ATRX: variants seen among roughly 807,000 people sequenced by gnomAD.
ATRX encodes chromatin remodeler ATRX.
Under a neutral mutation model 172.6 loss-of-function variants are expected in ATRX, and 12 were observed. The ratio of observed to expected loss-of-function variants is 0.07; its 90% confidence interval spans 0.04 to 0.11. The LOEUF is 0.11. Ranked by LOEUF, ATRX falls within the 10% of genes least tolerant of loss-of-function variation. ATRX has a pLI of 1.00. For missense variants in ATRX, 1,368 were observed against 1,767.4 expected (o/e 0.77, Z 4.05); for synonymous variants, 674 against 594.7 (o/e 1.13, Z -1.94).
chrX:77,599,361 C>T (rs2148139402), intron 25 of ATRX, 50 bp downstream of exon 25: 7 of 1,188,246 alleles, frequency 5.9e-6, no homozygotes, highest in Non-Finnish European at 8.0e-6. Flanking sequence ...AACGACATGA[C>T]ATTTTCCAAA....
rs915757829 is a variant in ATRX, at chrX:77,620,548, G to T, written c.5135-16C>A. ...AAATCAGGGCCTACAAAAATAAACA[G>T]AAAAATAACACAATTAATATATAAT... On this transcript the variant is annotated splice_polypyrimidine_tract_variant and intron_variant, in intron 19 of 34. Transcript: ENST00000373344. 1 of 1,169,663 alleles carries T rather than the reference G, an allele frequency of 8.5e-7. No individual in the cohort carries two copies. Among genetic ancestry groups the T allele is most frequent in the Middle Eastern group, 2.6e-4 (1 of 3,859 alleles).
intron 27 of ATRX, among the ~76,000 whole-genome samples, chrX:77,587,297 G>C (rs2066062345): frequency 9.0e-6 from 1 of 110,679 alleles, no homozygotes; most frequent in Non-Finnish European, 1.9e-5. Context: ...TTTATCCCAG[G>C]TATGCAAGGT....
chrX:77,615,337 T>C (rs1363194063), intron 22 of ATRX, among the ~76,000 whole-genome samples: 4 of 111,120 alleles, frequency 3.6e-5, no homozygotes, highest in African/African-American at 1.3e-4. Context: ...CTATAAAACC[T>C]GAAAACACTA....
chrX:77,533,630 G>C (rs782197115), intron 30 of ATRX, among the ~76,000 whole-genome samples: 13 of 110,995 alleles, frequency 1.2e-4, no homozygotes, highest in African/African-American at 4.3e-4. Context: ...TGGCACCTGT[G>C]GGGGGTTGGG....
At chrX:77,576,645 T>C (rs1557070536) in intron 27 of ATRX, among the ~76,000 whole-genome samples, 1 of 110,460 alleles carries the variant, frequency 9.1e-6, no homozygotes, top group Non-Finnish European at 1.9e-5. Context: ...AGACAAAGAG[T>C]ATACAAAAAT....
intron 27 of ATRX, among the ~76,000 whole-genome samples, chrX:77,579,665 T>A (rs1442195686): frequency 9.0e-6 from 1 of 111,655 alleles, no homozygotes; most frequent in Non-Finnish European, 1.9e-5. Flanking sequence ...TCCCTTCAAA[T>A]ACCTGGAAAG....
intron 22 of ATRX, among the ~76,000 whole-genome samples, chrX:77,609,237 A>T (rs1286216147): frequency 8.9e-6 from 1 of 111,903 alleles, no homozygotes; most frequent in Non-Finnish European, 1.9e-5. Context: ...AGCTGGATAT[A>T]TACTCAGAAG....
At chrX:77,692,399 C>G (rs2071942713) in intron 6 of ATRX, among the ~76,000 whole-genome samples, 1 of 111,906 alleles carries the variant, frequency 8.9e-6, no homozygotes, top group South Asian at 3.7e-4. Flanking sequence ...TTGACTACCC[C>G]TTTGTGGACA....
chrX:77,568,912 T>C (rs1254201018), intron 28 of ATRX, among the ~76,000 whole-genome samples: 1 of 111,327 alleles, frequency 9.0e-6, no homozygotes, highest in Non-Finnish European at 1.9e-5. Context: ...CTATTCGTCA[T>C]AAAAACTCAG....
intron 10 of ATRX, among the ~76,000 whole-genome samples, chrX:77,668,900 A>G (rs782624592): frequency 9.0e-6 from 1 of 111,233 alleles, no homozygotes; most frequent in Non-Finnish European, 1.9e-5. Context: ...TCCTATCTAG[A>G]AAGGAAATGA....
intron 1 of ATRX, among the ~76,000 whole-genome samples, chrX:77,739,693 G>A (rs1448214086): frequency 9.1e-6 from 1 of 110,367 alleles, no homozygotes; most frequent in Non-Finnish European, 1.9e-5. Context: ...CAACAAAGGA[G>A]AACATCAAAA....
At chrX:77,785,652 C>T (rs1249260110) in intron 1 of ATRX, among the ~76,000 whole-genome samples, 1 of 100,347 alleles carries the variant, frequency 1.0e-5, no homozygotes, top group African/African-American at 3.7e-5. Flanking sequence ...TACCAAAGAC[C>T]GCCTCCGACT....
chrX:77,737,874 T>A (rs1439382586), intron 1 of ATRX, among the ~76,000 whole-genome samples: 1 of 111,669 alleles, frequency 9.0e-6, no homozygotes, highest in Non-Finnish European at 1.9e-5. Context: ...ATGCTGGAAT[T>A]TTTTGTAAAG....
At chrX:77,576,043 T>C (rs1037147513) in intron 27 of ATRX, among the ~76,000 whole-genome samples, 46 of 111,400 alleles carry the variant, frequency 4.1e-4, no homozygotes, top group African/African-American at 1.4e-3. Context: ...GTAGTGGTAA[T>C]AGCAGTAACT....
rs781888823 is a variant in ATRX at position 77,702,217 on chromosome X, C to T, written c.134-3588G>A. Among the ~76,000 whole-genome samples, 6 of 111,321 alleles carry T rather than the reference C, an allele frequency of 5.4e-5. No individual in the cohort carries two copies. The South Asian group carries it at 1.9e-3, about 35-fold the overall frequency. ...CAAAACTTTGGGAGGCCGAGGCAGGCGGATCACCAGAGGTCAGGAGTTCAA... is the reference window on the plus strand; with the variant it reads ...CAAAACTTTGGGAGGCCGAGGCAGGTGGATCACCAGAGGTCAGGAGTTCAA... On this transcript the variant is annotated intron_variant, in intron 2 of 34. Transcript: ENST00000373344.
At chrX:77,699,302 T>G (rs2148688844) in intron 2 of ATRX, among the ~76,000 whole-genome samples, 1 of 111,166 alleles carries the variant, frequency 9.0e-6, no homozygotes, top group East Asian at 2.8e-4. Flanking sequence ...CCTGGCTAAT[T>G]TTTTGTGGAG....
Position 77,786,022 on chromosome X carries a change from T to C in ATRX, c.-21A>G, listed in dbSNP as rs953890632. ...GTCATGTTTTCGCTTGAACGCCTTG[T>C]CGGCTTCTGTGATTGCTGGGCGCCG... On this transcript the variant is annotated 5_prime_UTR_variant, in exon 1 of 35. Transcript: ENST00000373344. 8.4e-7 allele frequency: 1 copy of C among 1,189,640 alleles called. No individual in the cohort carries two copies. The highest frequency in any genetic ancestry group is 2.3e-4 in the Middle Eastern group (1 of 4,306).
intron 30 of ATRX, among the ~76,000 whole-genome samples, chrX:77,545,720 C>T (rs1557053076): frequency 9.0e-6 from 1 of 111,342 alleles, no homozygotes; most frequent in African/African-American, 3.3e-5. Flanking sequence ...CAGAAAGAGA[C>T]AAAAATAAAA....
chrX:77,629,971 C>T (rs781801391), intron 19 of ATRX, among the ~76,000 whole-genome samples: 11 of 112,254 alleles, frequency 9.8e-5, no homozygotes, highest in Non-Finnish European at 1.1e-4. Context: ...TGCGTGCGCG[C>T]GCACACACAC....
Sources: gnomAD v4.1 joint callset for allele counts (sites outside exome capture counted in the v4.1 genomes callset) on GRCh38, gnomAD v4.1.1 for gene constraint, MANE v1.5 for transcripts, NCBI Gene and HGNC (gene_info 2026-07-23, HGNC 2026-07-21) for gene names.